Variants in KCNQ3 observed in about 807,000 individuals in gnomAD.
KCNQ3 encodes potassium voltage-gated channel subfamily KQT member 3.
KCNQ3 carries 30 observed loss-of-function variants against 92.5 expected under a neutral mutation model. The ratio of observed to expected loss-of-function variants is 0.32; its 90% confidence interval spans 0.24 to 0.44. The LOEUF is 0.44. Ranked by LOEUF, KCNQ3 falls within the 20% of genes least tolerant of loss-of-function variation. The probability of loss-of-function intolerance (pLI) is 1.00; values close to 1 mark genes in which losing one functional copy is unlikely to be tolerated. For synonymous variants in KCNQ3, 450 were observed against 468.8 expected, an observed-to-expected ratio of 0.96 and a Z score of 0.52; for missense variants, 913 against 1,140.3, an observed-to-expected ratio of 0.80 and a Z score of 2.87.
intron 1 of KCNQ3, among the ~76,000 whole-genome samples, chr8:132,431,460 G>C (rs1460035598): frequency 6.6e-6 from 1 of 152,200 alleles, no homozygotes; most frequent in African/African-American, 2.4e-5. Flanking sequence ...CTGGTCTCTA[G>C]GGAGGTCGGT....
chr8:132,382,333 T>C (rs1050742464), intron 1 of KCNQ3, among the ~76,000 whole-genome samples: 1 of 152,118 alleles, frequency 6.6e-6, no homozygotes, highest in Non-Finnish European at 1.5e-5. Flanking sequence ...TATCAGTTCA[T>C]GTGAGAGCCG....
chr8:132,360,410 C>T (rs892268276), intron 1 of KCNQ3, among the ~76,000 whole-genome samples: 1 of 152,218 alleles, frequency 6.6e-6, no homozygotes, highest in African/African-American at 2.4e-5. Context: ...CATCTCCTCT[C>T]ACCAGAATGT....
At chr8:132,390,515 C>T (rs1820023149) in intron 1 of KCNQ3, among the ~76,000 whole-genome samples, 2 of 152,154 alleles carry the variant, frequency 1.3e-5, no homozygotes, top group African/African-American at 4.8e-5. Context: ...CACTCCAGAC[C>T]AGTGAAATCA....
chr8:132,316,479 C>G (rs150484058), intron 1 of KCNQ3, among the ~76,000 whole-genome samples: 4 of 152,206 alleles, frequency 2.6e-5, no homozygotes, highest in Non-Finnish European at 5.9e-5. Flanking sequence ...ATTAGTAAAG[C>G]AGGAAAAACA....
intron 1 of KCNQ3, among the ~76,000 whole-genome samples, chr8:132,423,406 A>G (rs1486219800): frequency 6.6e-6 from 1 of 152,134 alleles, no homozygotes; most frequent in Non-Finnish European, 1.5e-5. Flanking sequence ...CAAAATGGCA[A>G]TACTTACTCC....
chr8:132,437,233 T>A (rs1448045452), intron 1 of KCNQ3, among the ~76,000 whole-genome samples: 2 of 151,230 alleles, frequency 1.3e-5, no homozygotes, highest in Non-Finnish European at 2.9e-5. Context: ...TGAGCCGAGA[T>A]TGCGCCACTG....
Position 132,141,321 on chromosome 8 carries a change from C to T in KCNQ3, c.1273G>A (p.Gly425Ser). 6.2e-7 allele frequency: 1 copy of T among 1,614,074 alleles called. No individual in the cohort carries two copies. Among genetic ancestry groups the T allele is most frequent in the Non-Finnish European group, 8.5e-7 (1 of 1,180,010 alleles). The change falls in exon 10 of 15, where the codon GGT becomes AGT. Residue 425 changes from glycine (G) to serine (S), a missense_variant. Around this residue, in one of 6 missense-constraint regions of KCNQ3, gnomAD observed 182 missense variants for 234.5 expected, o/e 0.78. Transcript: ENST00000388996. ...GAAAGGCGAACCCGATCCAAGAGAC[C>T]CAGCTTTTGGCTACAAAATAAGCAA... ...QLEAASSQKL[G>S]LLDRVRLSNP...
intron 1 of KCNQ3, chr8:132,447,342 C>A: frequency 9.1e-7 from 1 of 1,100,038 alleles, no homozygotes; most frequent in South Asian, 1.3e-5. Context: ...CCAGAGAAAA[C>A]CACAGGCAGA....
chr8:132,179,805 C>T (rs1333486110), intron 4 of KCNQ3, among the ~76,000 whole-genome samples: 1 of 152,114 alleles, frequency 6.6e-6, no homozygotes, highest in Non-Finnish European at 1.5e-5. Context: ...CTTGAATGAG[C>T]TCATTCCATC....
chr8:132,433,844 C>T (rs1487186909), intron 1 of KCNQ3, among the ~76,000 whole-genome samples: 2 of 151,756 alleles, frequency 1.3e-5, no homozygotes, highest in Admixed American at 6.6e-5. Context: ...GAGCCAAGGT[C>T]GTGCCACGGC....
intron 14 of KCNQ3, 58 bp from the exon 15 acceptor site, chr8:132,130,054 A>G: frequency 1.5e-6 from 2 of 1,341,076 alleles, no homozygotes; most frequent in Middle Eastern, 2.6e-4. Flanking sequence ...GATCGTTGCT[A>G]TTGGTTGGGA....
chr8:132,299,788 A>G (rs2130579613), intron 1 of KCNQ3, among the ~76,000 whole-genome samples: 1 of 46,120 alleles, frequency 2.2e-5, no homozygotes, highest in Non-Finnish European at 4.7e-5. Flanking sequence ...AACTTTTCTG[A>G]GGGCGGTATT....
At chr8:132,329,702 C>T (rs1162959429) in intron 1 of KCNQ3, among the ~76,000 whole-genome samples, 1 of 152,182 alleles carries the variant, frequency 6.6e-6, no homozygotes, top group East Asian at 1.9e-4. Flanking sequence ...GCACTCGGTC[C>T]CTCCCAGATC....
chr8:132,384,956 G>T (rs2130761020), intron 1 of KCNQ3, among the ~76,000 whole-genome samples: 1 of 152,350 alleles, frequency 6.6e-6, no homozygotes, highest in Admixed American at 6.5e-5. Flanking sequence ...TAGATGCTGT[G>T]CTGCCAACAG....
At chr8:132,137,524 A>G (rs1316493362) in intron 12 of KCNQ3, among the ~76,000 whole-genome samples, 1 of 152,238 alleles carries the variant, frequency 6.6e-6, no homozygotes, top group Non-Finnish European at 1.5e-5. Context: ...ACATTTTTAA[A>G]TATGGTAAAG....
intron 1 of KCNQ3, among the ~76,000 whole-genome samples, chr8:132,186,933 T>TGTGAGA (rs1367691058): frequency 9.4e-6 from 1 of 106,494 alleles, no homozygotes; most frequent in African/African-American, 4.0e-5. Context: ...TGTGTGTGTG[T>TGTGAGA]GAGAGAGAGA....
Position 132,281,520 on chromosome 8 carries a change from C to CTGTG in KCNQ3, c.387-95343_387-95340dup, listed in dbSNP as rs57252508. On this transcript the variant is annotated intron_variant, in intron 1 of 14. Transcript: ENST00000388996. ...CATGGAATATGCATATATATGGAAT[C>CTGTG]TGTGTGTGTGTGTGTGTATATGTGT... Among the ~76,000 whole-genome samples the CTGTG allele has an allele frequency of 4.3e-3, 649 of 149,590 alleles. 5 individuals carry two copies. The highest frequency in any genetic ancestry group is 0.015 in the South Asian group (70 of 4,750).
At chr8:132,255,993 AC>A (rs1242762204) in intron 1 of KCNQ3, among the ~76,000 whole-genome samples, 2 of 152,186 alleles carry the variant, frequency 1.3e-5, no homozygotes, top group Non-Finnish European at 2.9e-5. Flanking sequence ...AACCAAAAAA[AC>A]AGTCAACAGA....
At chr8:132,455,995 T>A (rs776118297) in intron 1 of KCNQ3, among the ~76,000 whole-genome samples, 11 of 152,090 alleles carry the variant, frequency 7.2e-5, no homozygotes, top group African/African-American at 2.7e-4. Context: ...TCCGCCCACC[T>A]CCGCCTCCCA....
Sources: allele counts gnomAD v4.1 joint callset (sites outside exome capture counted in the v4.1 genomes callset), GRCh38; gene constraint gnomAD v4.1.1; regional missense constraint gnomAD v4.1.1; transcripts MANE v1.5; gene names NCBI Gene and HGNC (gene_info 2026-07-23, HGNC 2026-07-21).